WDR72: variants seen among roughly 807,000 people sequenced by gnomAD.
WDR72 encodes WD repeat domain 72.
WDR72 carries 120 observed loss-of-function variants against 124.2 expected under a neutral mutation model. That is an observed-to-expected ratio of 0.97 (90% CI 0.83 to 1.12). The LOEUF is 1.12. Among genes scored for constraint, WDR72 ranks in the 50% most tolerant of loss-of-function variants. The pLI is 0.00. For synonymous variants in WDR72, 452 were observed against 441.7 expected, an observed-to-expected ratio of 1.02 and a Z score of -0.29; for missense variants, 1,387 against 1,278.8, an observed-to-expected ratio of 1.08 and a Z score of -1.29.
chr15:53,653,137 A>G (rs761213387), intron 14 of WDR72, among the ~76,000 whole-genome samples: 2 of 152,104 alleles, frequency 1.3e-5, no homozygotes, highest in Non-Finnish European at 2.9e-5. Context: ...TTCTCTTACA[A>G]TTCAAAAAAG....
At chr15:53,556,417 G>C (rs1893934664) in intron 18 of WDR72, among the ~76,000 whole-genome samples, 1 of 152,028 alleles carries the variant, frequency 6.6e-6, no homozygotes. Flanking sequence ...ATTCACATAA[G>C]TGTTTCTAGC....
intron 14 of WDR72, among the ~76,000 whole-genome samples, chr15:53,634,048 TAA>T (rs1350120649): frequency 6.6e-6 from 1 of 152,204 alleles, no homozygotes; most frequent in Non-Finnish European, 1.5e-5. Context: ...AAATCAGTAA[TAA>T]AAAGTTAAGT....
In WDR72 at chr15:53,757,947, C is replaced by G. The variant is rs78876737; in HGVS notation, c.-13+1686G>C. Among the ~76,000 whole-genome samples, 175 of 151,822 alleles carry G rather than the reference C, an allele frequency of 1.2e-3. 1 individual carries two copies. The East Asian group carries it at 0.027, about 23-fold the overall frequency. The stretch of plus-strand genomic sequence containing the variant: ...GGTAGAGACCGTTAATGGAAGATTT[C>G]ACACACAGGGAGAAACTTAAGAGTT... On this transcript the variant is annotated intron_variant, in intron 1 of 19. Transcript: ENST00000360509.
At position 53,630,369 on chromosome 15, in the gene WDR72, A is replaced by T. The variant is rs770821201; in HGVS notation, c.1963-14126T>A. On this transcript the variant is annotated intron_variant, in intron 14 of 19. Transcript: ENST00000360509. ...ACTTCCCAAATCTCTCTAAGAGGCC[A>T]GTATTACCCTGATACTGAAACCAGA... Among the ~76,000 whole-genome samples, 5 of 152,224 alleles carry T rather than the reference A, an allele frequency of 3.3e-5. No homozygotes were observed. The South Asian group carries it at 1.0e-3, about 31-fold the overall frequency.
intron 7 of WDR72, among the ~76,000 whole-genome samples, chr15:53,712,390 G>C (rs2017564887): frequency 6.6e-6 from 1 of 152,162 alleles, no homozygotes; most frequent in East Asian, 1.9e-4. Flanking sequence ...GAGGTCAGGA[G>C]TTTGAGATCG....
At chr15:53,594,665 G>C (rs56870367) in intron 18 of WDR72, among the ~76,000 whole-genome samples, 20,611 of 150,546 alleles carry the variant, frequency 0.14, 2,169 homozygotes, top group African/African-American at 0.3. Context: ...GGTGGTGCTT[G>C]CCTATAGTCC....
intron 18 of WDR72, among the ~76,000 whole-genome samples, chr15:53,560,006 C>T (rs1894072679): frequency 6.6e-6 from 1 of 151,900 alleles, no homozygotes; most frequent in Non-Finnish European, 1.5e-5. Flanking sequence ...AAATGCAGTC[C>T]AGTGTTAAAG....
intron 13 of WDR72, among the ~76,000 whole-genome samples, chr15:53,685,429 G>A (rs1287473446): frequency 7.7e-6 from 1 of 129,566 alleles, no homozygotes; most frequent in Non-Finnish European, 1.6e-5. Flanking sequence ...AGCCTCAGGA[G>A]CCGACGCGAT....
intron 1 of WDR72, among the ~76,000 whole-genome samples, chr15:53,755,672 T>C (rs2018882906): frequency 6.6e-6 from 1 of 152,214 alleles, no homozygotes; most frequent in Non-Finnish European, 1.5e-5. Flanking sequence ...CCCCACTTCC[T>C]GTCCCATGAT....
chr15:53,700,143 C>T (rs2017127927), intron 12 of WDR72, among the ~76,000 whole-genome samples, 198 bp from the exon 13 acceptor site: 1 of 152,144 alleles, frequency 6.6e-6, no homozygotes, highest in Admixed American at 6.5e-5. Flanking sequence ...CTAAGCTCAA[C>T]AACTTCACAG....
intron 14 of WDR72, among the ~76,000 whole-genome samples, chr15:53,639,598 TA>T (rs1194556848): frequency 9.3e-6 from 1 of 107,126 alleles, no homozygotes; most frequent in South Asian, 3.6e-4. Context: ...TTATATAAAA[TA>T]AAAAAATTCT....
In WDR72 at chr15:53,702,175, C is replaced by G; in HGVS notation, c.1528G>C (p.Gly510Arg). The change falls in exon 12 of 20, where the codon GGT becomes CGT. Residue 510 changes from glycine to arginine, a missense_variant. By Grantham distance (125) the Gly-to-Arg change is moderately radical. Coordinates refer to ENST00000360509, the MANE Select transcript of WDR72 (RefSeq NM_182758.4). Reference sequence around the variant, plus strand: ...GACATCAAAAGACTTGTTACTGGACCAGCTTCCAAAAAGAATTTATGCAAA... The same window carrying G: ...GACATCAAAAGACTTGTTACTGGACGAGCTTCCAAAAAGAATTTATGCAAA... The part of the protein sequence containing the change: ...EILHKFFLEA[G>R]PVTSLLMSPE... 1 of 1,613,828 alleles carries G rather than the reference C, an allele frequency of 6.2e-7. No individual in the cohort carries two copies. The highest frequency in any genetic ancestry group is 8.5e-7 in the Non-Finnish European group (1 of 1,179,952).
At chr15:53,517,858 CA>C in intron 19 of WDR72, 104 bp from the exon 20 acceptor site, 1 of 1,078,212 alleles carries the variant, frequency 9.3e-7, no homozygotes, top group Non-Finnish European at 1.4e-6. Context: ...AGAATAGATA[CA>C]GAAAGGAAGA....
At chr15:53,669,986 T>G (rs1218565552) in intron 13 of WDR72, among the ~76,000 whole-genome samples, 1 of 152,192 alleles carries the variant, frequency 6.6e-6, no homozygotes, top group Non-Finnish European at 1.5e-5. Context: ...ATTATTCATT[T>G]GAATCAATCT....
chr15:53,612,987 AG>A (rs1350558835), intron 16 of WDR72, among the ~76,000 whole-genome samples: 9 of 152,036 alleles, frequency 5.9e-5, no homozygotes, highest in African/African-American at 2.2e-4. Flanking sequence ...TTCTGAAGGT[AG>A]AACTGACACA....
chr15:53,746,064 C>A (rs994185249), intron 1 of WDR72, among the ~76,000 whole-genome samples: 3 of 152,190 alleles, frequency 2.0e-5, no homozygotes, highest in African/African-American at 7.2e-5. Flanking sequence ...CAGGCTCCAA[C>A]ATGGCCTTCA....
chr15:53,694,771 C>G lies in WDR72; in HGVS notation c.1765+4979G>C, dbSNP rs1327670676. ...CACTGGTAAAATGGGTATAACTATA[C>G]CTGTCCTGCTTAACAGTGAGGCAAA... On this transcript the variant is annotated intron_variant, in intron 13 of 19. Coordinates refer to ENST00000360509, the MANE Select transcript of WDR72 (RefSeq NM_182758.4). 2.0e-5 allele frequency among the ~76,000 whole-genome samples: 3 copies of G among 152,186 alleles called. No individual in the cohort carries two copies. In the East Asian group the frequency reaches 5.8e-4, roughly 29 times the overall value.
intron 10 of WDR72, among the ~76,000 whole-genome samples, chr15:53,705,461 T>TA (rs978501696): frequency 1.4e-5 from 2 of 145,114 alleles, no homozygotes; most frequent in African/African-American, 2.6e-5. Context: ...TGTTTTTAAT[T>TA]AAAAAAAAAT....
chr15:53,680,448 T>C (rs1387935725), intron 13 of WDR72, among the ~76,000 whole-genome samples: 1 of 152,200 alleles, frequency 6.6e-6, no homozygotes, highest in Non-Finnish European at 1.5e-5. Context: ...GGAGAGAATT[T>C]CTATTTTTAA....
Sources: allele counts gnomAD v4.1 joint callset (sites outside exome capture counted in the v4.1 genomes callset), GRCh38; gene constraint gnomAD v4.1.1; transcripts MANE v1.5; gene names NCBI Gene and HGNC (gene_info 2026-07-23, HGNC 2026-07-21).